The following SHISA9 variants were observed in gnomAD, a reference collection of about 807,000 sequenced individuals.
SHISA9 encodes protein shisa-9.
SHISA9 carries 13 observed loss-of-function variants against 38.0 expected under a neutral mutation model. That is an observed-to-expected ratio of 0.34 (90% CI 0.22 to 0.54). The LOEUF is 0.54. Among genes scored for constraint, SHISA9 ranks in the 20% least tolerant of loss-of-function variants. The pLI is 0.91. For synonymous variants in SHISA9, 275 were observed against 242.0 expected, an observed-to-expected ratio of 1.14 and a Z score of -1.27; for missense variants, 538 against 575.8, an observed-to-expected ratio of 0.93 and a Z score of 0.67.
the SHISA9 span, among the ~76,000 whole-genome samples, chr16:13,508,122 T>C: frequency 2.6e-5 from 4 of 152,332 alleles, no homozygotes; most frequent in Non-Finnish European, 5.9e-5. Context: ...TTTGTTTCCT[T>C]TTCTGTAATA....
chr16:13,249,514 C>A, the SHISA9 span, among the ~76,000 whole-genome samples: 4 of 152,282 alleles, frequency 2.6e-5, no homozygotes, highest in East Asian at 7.7e-4. Flanking sequence ...CAGGGATAAG[C>A]ATTGGTACAC....
chr16:13,019,709 A>G (rs1156426815), intron 2 of SHISA9, among the ~76,000 whole-genome samples: 1 of 151,744 alleles, frequency 6.6e-6, no homozygotes, highest in Non-Finnish European at 1.5e-5. Flanking sequence ...TTCATCACCC[A>G]GGTATTAAGC....
At chr16:13,482,515 C>T in the SHISA9 span, among the ~76,000 whole-genome samples, 1 of 152,160 alleles carries the variant, frequency 6.6e-6, no homozygotes, top group Non-Finnish European at 1.5e-5. Context: ...AGAGACACTT[C>T]GAGGCCAGGT....
At chr16:13,305,149 A>G in the SHISA9 span, among the ~76,000 whole-genome samples, 2 of 152,186 alleles carry the variant, frequency 1.3e-5, no homozygotes, top group African/African-American at 2.4e-5. Flanking sequence ...TGTTTCACAT[A>G]CACCTAATAC....
the SHISA9 span, among the ~76,000 whole-genome samples, chr16:13,323,229 C>T: frequency 2.6e-5 from 4 of 152,126 alleles, no homozygotes; most frequent in South Asian, 4.1e-4. Context: ...ATAATTATTC[C>T]GTCTCCACCA....
chr16:12,939,823 G>A (rs2071585489), intron 2 of SHISA9, among the ~76,000 whole-genome samples: 1 of 152,190 alleles, frequency 6.6e-6, no homozygotes, highest in Admixed American at 6.5e-5. Flanking sequence ...GCAAGTGCTT[G>A]TTAATGTAAG....
At chr16:13,402,238 T>A in the SHISA9 span, among the ~76,000 whole-genome samples, 1 of 152,170 alleles carries the variant, frequency 6.6e-6, no homozygotes, top group African/African-American at 2.4e-5. Context: ...CCAGGAAGCC[T>A]TGGAGTGCAA....
chr16:13,317,456 TTTA>T, the SHISA9 span, among the ~76,000 whole-genome samples: 592 of 152,238 alleles, frequency 3.9e-3, 3 homozygotes, highest in African/African-American at 0.014. Context: ...TTTTTTAAAT[TTTA>T]TTATTATTAT....
At position 13,240,199 on chromosome 16, in the gene SHISA9, G is replaced by A. The variant is rs1485917662; in HGVS notation, c.*4790G>A. 3 of 152,198 alleles carry A rather than the reference G, an allele frequency of 2.0e-5. No homozygotes were observed. Among genetic ancestry groups the A allele is most frequent in the Admixed American group, 6.5e-5 (1 of 15,276 alleles). The allele number at this position is 152,198 out of a possible 1,614,324, so 9.4% of individuals were successfully genotyped here. On this transcript the variant is annotated 3_prime_UTR_variant, in exon 5 of 5. Transcript: ENST00000558583. The stretch of plus-strand genomic sequence containing the variant: ...CTTCCCAGTTTTTTGTGTAAATGGA[G>A]CATATTTTATGTGCGAATATTTTAG...
the SHISA9 span, among the ~76,000 whole-genome samples, chr16:13,500,456 TA>T: frequency 1.4e-4 from 21 of 152,128 alleles, no homozygotes; most frequent in Admixed American, 1.2e-3. Context: ...AGAACCAGCG[TA>T]AAGTTTCTGC....
the SHISA9 span, among the ~76,000 whole-genome samples, chr16:13,435,572 C>T: frequency 6.6e-6 from 1 of 152,188 alleles, no homozygotes; most frequent in African/African-American, 2.4e-5. Flanking sequence ...TATCCCAACC[C>T]TTTGAAAATT....
At chr16:13,388,821 A>G in the SHISA9 span, among the ~76,000 whole-genome samples, 1 of 152,176 alleles carries the variant, frequency 6.6e-6, no homozygotes, top group African/African-American at 2.4e-5. Flanking sequence ...GAGGAGATGG[A>G]AAAGAGGTGG....
At chr16:13,484,086 G>A in the SHISA9 span, among the ~76,000 whole-genome samples, 1 of 152,120 alleles carries the variant, frequency 6.6e-6, no homozygotes, top group Non-Finnish European at 1.5e-5. Context: ...AGTGGCATCT[G>A]ATGCTATCTC....
At chr16:13,526,551 T>C in the SHISA9 span, among the ~76,000 whole-genome samples, 2 of 152,038 alleles carry the variant, frequency 1.3e-5, no homozygotes, top group Admixed American at 6.5e-5. Flanking sequence ...ACCTGGCTAA[T>C]TTTTGTATTT....
At chr16:13,484,266 A>G in the SHISA9 span, among the ~76,000 whole-genome samples, 3 of 152,198 alleles carry the variant, frequency 2.0e-5, no homozygotes, top group Admixed American at 2.0e-4. Flanking sequence ...TTTTTCCGAA[A>G]CAAGTGTGAT....
chr16:13,562,400 C>T, the SHISA9 span, among the ~76,000 whole-genome samples: 1 of 152,122 alleles, frequency 6.6e-6, no homozygotes, highest in Non-Finnish European at 1.5e-5. Flanking sequence ...GAGGCTGAGG[C>T]AGGCAGATCA....
chr16:13,035,774 G>C lies in SHISA9; in HGVS notation c.691+118959G>C, dbSNP rs1596601524. Among the ~76,000 whole-genome samples the C allele has an allele frequency of 4.6e-5, 7 of 152,102 alleles. No individual in the cohort carries two copies. In the South Asian group the frequency reaches 1.2e-3, roughly 27 times the overall value. ...TCAAACTCCTGACCTCAGGTGATCTGCCTGCCAATAACTTCCATCATAAAG... is the reference window on the plus strand; with the variant it reads ...TCAAACTCCTGACCTCAGGTGATCTCCCTGCCAATAACTTCCATCATAAAG... On this transcript the variant is annotated intron_variant, in intron 2 of 4. Transcript: ENST00000558583.
chr16:13,146,189 G>A (rs182215594), intron 2 of SHISA9, among the ~76,000 whole-genome samples: 80 of 152,240 alleles, frequency 5.3e-4, no homozygotes, highest in African/African-American at 1.4e-3. Flanking sequence ...GTGAGACTCC[G>A]TCTCAATGAA....
chr16:13,432,637 T>C, the SHISA9 span, among the ~76,000 whole-genome samples: 1 of 152,164 alleles, frequency 6.6e-6, no homozygotes, highest in Non-Finnish European at 1.5e-5. Context: ...CAAACAAATA[T>C]TGTGGACCTA....
Sources: gnomAD v4.1 joint callset for allele counts (sites outside exome capture counted in the v4.1 genomes callset) on GRCh38, gnomAD v4.1.1 for gene constraint, MANE v1.5 for transcripts, NCBI Gene and HGNC (gene_info 2026-07-23, HGNC 2026-07-21) for gene names.